The following NOP53 variants were observed in gnomAD, a reference collection of about 807,000 sequenced individuals.
NOP53 encodes ribosome biogenesis protein NOP53.
A neutral mutation model predicts 61.0 loss-of-function variants in NOP53; 40 were observed. The observed-to-expected ratio is 0.66, with a 90% CI of 0.51 to 0.85. NOP53 has a LOEUF of 0.85. Among genes scored for constraint, NOP53 ranks in the 40% least tolerant of loss-of-function variants. NOP53 has a pLI of 0.00. For missense variants in NOP53, 689 were observed against 652.9 expected (o/e 1.06, Z -0.60); for synonymous variants, 308 against 289.5 (o/e 1.06, Z -0.65).
chr19:47,745,958 C>T, intron 1 of NOP53, 175 bp downstream of exon 1: 1 of 558,180 alleles, frequency 1.8e-6, no homozygotes, highest in East Asian at 3.1e-5. Context: ...GCATGGGAAG[C>T]TGGAGAGCTT....
intron 9 of NOP53, 113 bp downstream of exon 9, chr19:47,755,636 C>A: frequency 1.5e-6 from 2 of 1,330,766 alleles, no homozygotes; most frequent in South Asian, 1.4e-5. Context: ...CGGGAGACCA[C>A]CTCTTCCCCC....
chr19:47,754,907 AGCGGGGCCT>A lies in NOP53; in HGVS notation c.1053+19_1053+27del, dbSNP rs1599920462. 2 of 1,490,790 alleles carry A rather than the reference AGCGGGGCCT, an allele frequency of 1.3e-6. No homozygotes were observed. Among genetic ancestry groups the A allele is most frequent in the East Asian group, 5.0e-5 (2 of 40,392 alleles). 92.3% of individuals were successfully genotyped at this position (1,490,790 alleles called of 1,614,324 possible). On this transcript the variant is annotated intron_variant, in intron 8 of 12. Transcript: ENST00000246802. The surrounding 1 kb of genome is among the most constrained non-coding windows in gnomAD (Gnocchi z 4.2). ...GCACAGGCTGGTGAGCGCCTGGGCC[AGCGGGGCCT>A]GCCTCTGATGCCTCGCCCCCTTCCT...
intron 2 of NOP53, among the ~76,000 whole-genome samples, chr19:47,748,216 C>T (rs190351463): frequency 9.3e-4 from 141 of 152,118 alleles, no homozygotes; most frequent in Middle Eastern, 3.4e-3. Flanking sequence ...TGAGCCGCTG[C>T]GCCTGGCCAA....
intron 8 of NOP53, 98 bp from the exon 9 acceptor site, chr19:47,755,250 A>T: frequency 1.3e-6 from 1 of 771,304 alleles, no homozygotes; most frequent in South Asian, 2.1e-5. Flanking sequence ...GCCTCCGGGG[A>T]CAGGCAGGTT....
chr19:47,751,060 C>T lies in NOP53; in HGVS notation c.551C>T (p.Pro184Leu). The T allele has an allele frequency of 6.2e-7, 1 of 1,608,828 alleles. No homozygotes were observed. ...TCTGCAACAAGGGCCAAGCCCGGGCCCCAGGACACCGTAGAGCGGCCCTTC... is the reference window on the plus strand; with the variant it reads ...TCTGCAACAAGGGCCAAGCCCGGGCTCCAGGACACCGTAGAGCGGCCCTTC... ...NPSATRAKPG[P>L]QDTVERPFYD... is the part of the protein sequence containing the mutation. Residue 184 changes from proline (P) to leucine (L), a missense_variant, in exon 4 of 13, where the codon CCC (proline) becomes CTC (leucine). Pro to Leu is a moderately conservative substitution (Grantham distance 98, BLOSUM62 -3). Coordinates refer to ENST00000246802, the MANE Select transcript of NOP53 (RefSeq NM_015710.5).
Position 47,746,986 on chromosome 19 carries a change from C to G in NOP53, c.244C>G (p.Pro82Ala), listed in dbSNP as rs138693122. ...RTSGGLLSEAPNEKLFFVDTG... is the reference protein window; with the variant it reads ...RTSGGLLSEAANEKLFFVDTG... ...CCCCAGTGGCTTGTTGTCAGAGGCC[C>G]CAAATGAAAAACTCTTCTTCGTGGA... Residue 82 changes from proline (P) to alanine (A), a missense_variant, in exon 2 of 13, where the codon CCA becomes GCA. Pro to Ala is a conservative substitution (Grantham distance 27, BLOSUM62 -1). Coordinates refer to ENST00000246802, the MANE Select transcript of NOP53 (RefSeq NM_015710.5). 1,626 of 1,613,798 alleles carry G rather than the reference C, an allele frequency of 1.0e-3. 1 individual carries two copies. Among genetic ancestry groups the G allele is most frequent in the Middle Eastern group, 4.5e-3 (27 of 6,060 alleles).
chr19:47,745,863 C>CGGGGGTA (rs1200610698), intron 1 of NOP53, 80 bp downstream of exon 1: 8 of 84,712 alleles, frequency 9.4e-5, no homozygotes, highest in Non-Finnish European at 5.6e-5. Flanking sequence ...GTGGACTCGT[C>CGGGGGTA]GGGGGTCGGG....
At position 47,756,889 on chromosome 19, in the gene NOP53, G is replaced by A; in HGVS notation, c.1431-110G>A. 3 of 1,539,938 alleles carry A rather than the reference G, an allele frequency of 1.9e-6. No homozygotes were observed. In the South Asian group the frequency reaches 3.3e-5, roughly 17 times the overall value. On this transcript the variant is annotated intron_variant, in intron 12 of 12. Transcript: ENST00000246802. Reference sequence around the variant, plus strand: ...GCCCAGAAGAGGCCCTGAAACCAGAGCGGGGTTGGGAGGGTCCCCAAAGGG... The same window carrying A: ...GCCCAGAAGAGGCCCTGAAACCAGAACGGGGTTGGGAGGGTCCCCAAAGGG...
intron 3 of NOP53, 36 bp downstream of exon 3, chr19:47,750,322 A>T (rs3745754): frequency 2.4e-6 from 3 of 1,272,448 alleles, no homozygotes; most frequent in Non-Finnish European, 2.3e-6. Flanking sequence ...CTTCTTTCCC[A>T]CCAGACTCTG....
intron 10 of NOP53, 126 bp downstream of exon 10, chr19:47,755,948 C>T (rs781242342): frequency 3.1e-5 from 23 of 734,176 alleles, no homozygotes; most frequent in Non-Finnish European, 5.3e-5. Context: ...GGCCAATGCC[C>T]AGGGGCTGAG....
chr19:47,755,883 G>T, intron 10 of NOP53, 61 bp downstream of exon 10: 1 of 1,419,112 alleles, frequency 7.0e-7, no homozygotes, highest in South Asian at 1.2e-5. Flanking sequence ...CTTGCTCCCC[G>T]TGCCCCCCAG....
chr19:47,750,860 C>G lies in NOP53; in HGVS notation c.399-48C>G, dbSNP rs200837352. The G allele has an allele frequency of 6.0e-6, 9 of 1,498,958 alleles. No homozygotes were observed. In the Admixed American group the frequency reaches 1.6e-4, roughly 26 times the overall value. 92.9% of individuals were successfully genotyped at this position (1,498,958 alleles called of 1,614,324 possible). A position where few individuals can be genotyped will look rare whatever the true frequency, so the allele number is the denominator to read the frequency against. ...ACGGGGAGGAGGCCCTGCTGCCGTT[C>G]AGGCTGCCACCTCACCTGCTGCACT... On this transcript the variant is annotated intron_variant, in intron 3 of 12. Transcript: ENST00000246802.
chr19:47,749,684 G>T (rs538064032), intron 2 of NOP53, among the ~76,000 whole-genome samples: 1 of 152,164 alleles, frequency 6.6e-6, no homozygotes, highest in South Asian at 2.1e-4. Flanking sequence ...GGCCATCCTG[G>T]GTCCCAAGTC....
In NOP53 at chr19:47,754,664, C is replaced by A. The variant is rs1967165320; in HGVS notation, c.870+33C>A. ...CCGCACCTGCCCACTCCCTCCCCTC[C>A]CCGGGCCTCCTACCCACCCCTGACA... On this transcript the variant is annotated intron_variant, in intron 7 of 12. Transcript: ENST00000246802. This position sits in a 1 kb window ranked among gnomAD's most constrained non-coding sequence, Gnocchi z 4.2. The A allele has an allele frequency of 1.3e-6, 2 of 1,543,024 alleles. No individual in the cohort carries two copies. Among genetic ancestry groups the A allele is most frequent in the Non-Finnish European group, 1.8e-6 (2 of 1,142,068 alleles).
chr19:47,747,136 C>T (rs1191204728), intron 2 of NOP53, 105 bp downstream of exon 2: 1 of 883,502 alleles, frequency 1.1e-6, no homozygotes, highest in Non-Finnish European at 1.8e-6. Context: ...AGGCAAATAT[C>T]TGCGGAAACA....
rs1045026502 is a variant in NOP53, at chr19:47,751,089, G to C, written c.580G>C (p.Asp194His). The change falls in exon 4 of 13, where the codon GAC (aspartate) becomes CAC (histidine). Residue 194 changes from aspartate to histidine, a missense_variant. Coordinates refer to ENST00000246802, the MANE Select transcript of NOP53 (RefSeq NM_015710.5). ...GGACACCGTAGAGCGGCCCTTCTACGACCTCTGGGCCTCAGACAGTGAGTG... is the reference window on the plus strand; with the variant it reads ...GGACACCGTAGAGCGGCCCTTCTACCACCTCTGGGCCTCAGACAGTGAGTG... ...PQDTVERPFYDLWASDNPLDR... is the reference protein window; with the variant it reads ...PQDTVERPFYHLWASDNPLDR... 1.2e-6 allele frequency: 2 copies of C among 1,607,862 alleles called. No individual in the cohort carries two copies. Among genetic ancestry groups the C allele is most frequent in the East Asian group, 2.2e-5 (1 of 44,720 alleles).
At chr19:47,756,338 T>C in intron 10 of NOP53, 190 bp from the exon 11 acceptor site, 1 of 596,828 alleles carries the variant, frequency 1.7e-6, no homozygotes, top group South Asian at 2.0e-5. Context: ...AGCTTAGAGA[T>C]GGCCATAGGT....
chr19:47,756,093 T>C, intron 10 of NOP53: 1 of 544,134 alleles, frequency 1.8e-6, no homozygotes, highest in Non-Finnish European at 3.3e-6. Context: ...GGGACCTTCC[T>C]GAAGCTCAGA....
chr19:47,751,971 G>A (rs1372510882), intron 5 of NOP53, among the ~76,000 whole-genome samples: 2 of 152,020 alleles, frequency 1.3e-5, no homozygotes, highest in Non-Finnish European at 2.9e-5. Flanking sequence ...GCTGGGCTTG[G>A]TGGCACGTGC....
Sources: gnomAD v4.1 joint callset for allele counts (sites outside exome capture counted in the v4.1 genomes callset) on GRCh38, gnomAD v4.1.1 for gene constraint, Gnocchi (gnomAD v3.1) non-coding constraint, MANE v1.5 for transcripts, NCBI Gene and HGNC (gene_info 2026-07-23, HGNC 2026-07-21) for gene names.